PTPN12: variants seen among roughly 807,000 people sequenced by gnomAD.
PTPN12 encodes tyrosine-protein phosphatase non-receptor type 12.
In PTPN12, 29 loss-of-function variants were observed where a neutral mutation model predicts 97.6. That is an observed-to-expected ratio of 0.30 (90% CI 0.22 to 0.41). The LOEUF (loss-of-function observed/expected upper bound fraction) is 0.41, where lower values mean the gene tolerates loss of function less well. Among genes scored for constraint, PTPN12 ranks in the 10% least tolerant of loss-of-function variants. The probability of loss-of-function intolerance (pLI) is 1.00; values close to 1 mark genes in which losing one functional copy is unlikely to be tolerated. For missense variants in PTPN12, 819 were observed against 926.0 expected (o/e 0.88, Z 1.50); for synonymous variants, 327 against 300.4 (o/e 1.09, Z -0.91).
At chr7:77,592,048 C>T in intron 5 of PTPN12, 137 bp from the exon 6 acceptor site, 4 of 704,790 alleles carry the variant, frequency 5.7e-6, no homozygotes, top group Admixed American at 5.7e-5. Context: ...TAAGCTCTCT[C>T]AGCTCCATGC....
At chr7:77,581,818 C>T (rs1185377049) in intron 3 of PTPN12, among the ~76,000 whole-genome samples, 4 of 152,264 alleles carry the variant, frequency 2.6e-5, no homozygotes, top group African/African-American at 7.2e-5. Context: ...CATCATCAAT[C>T]CCCGTTGTTG....
intron 5 of PTPN12, among the ~76,000 whole-genome samples, chr7:77,589,650 A>G (rs1019628607): frequency 2.0e-5 from 3 of 152,270 alleles, no homozygotes; most frequent in East Asian, 1.9e-4. Context: ...ACTATTTCCT[A>G]TGTCAGTATT....
intron 2 of PTPN12, 128 bp from the exon 3 acceptor site, chr7:77,581,299 T>TAGAG (rs1180647218): frequency 1.2e-5 from 6 of 507,592 alleles, no homozygotes; most frequent in Non-Finnish European, 2.1e-5. Flanking sequence ...TGCTGGTACC[T>TAGAG]AGAGTCCATT....
intron 1 of PTPN12, among the ~76,000 whole-genome samples, chr7:77,546,315 A>G (rs1241876972): frequency 6.6e-6 from 1 of 152,252 alleles, no homozygotes; most frequent in Non-Finnish European, 1.5e-5. Context: ...TCTCCTTTGT[A>G]AAGTTTGATC....
chr7:77,613,041 G>C (rs182691214), intron 11 of PTPN12, among the ~76,000 whole-genome samples: 1 of 151,802 alleles, frequency 6.6e-6, no homozygotes, highest in African/African-American at 2.4e-5. Context: ...AAAGTGCTAG[G>C]ATTATAGGTG....
rs1788166092 is a variant in PTPN12 at position 77,600,825 on chromosome 7, A to G, written c.695+19A>G. 3 of 1,560,658 alleles carry G rather than the reference A, an allele frequency of 1.9e-6. No individual in the cohort carries two copies. The highest frequency in any genetic ancestry group is 2.6e-6 in the Non-Finnish European group (3 of 1,150,904). On this transcript the variant is annotated intron_variant, in intron 8 of 17. Coordinates refer to ENST00000248594, the MANE Select transcript of PTPN12 (RefSeq NM_002835.4). ...ATTGCAGGTACAAAAGAATTTCCCA[A>G]GTTTATAAATACATTATTTAAGTTT...
rs750529622 is a variant in PTPN12 at position 77,571,070 on chromosome 7, A to AT, written c.100-4dup. 50 of 1,524,906 alleles carry AT rather than the reference A, an allele frequency of 3.3e-5. No homozygotes were observed. The East Asian group carries it at 4.1e-4, about 12-fold the overall frequency. The allele number at this position is 1,524,906 out of a possible 1,614,324, so 94.5% of individuals were successfully genotyped here. The stretch of plus-strand genomic sequence containing the variant: ...CTAAACTTTAATTTTTATTTGTTGT[A>AT]TTTTAAGCGGTTAAGAAGATTGTCT... On this transcript the variant is annotated splice_polypyrimidine_tract_variant and splice_region_variant and intron_variant, in intron 1 of 17. Transcript: ENST00000248594.
Position 77,600,742 on chromosome 7 carries a change from G to C in PTPN12, c.631G>C (p.Asp211His). 1.2e-6 allele frequency: 2 copies of C among 1,611,118 alleles called. No homozygotes were observed. The highest frequency in any genetic ancestry group is 1.7e-6 in the Non-Finnish European group (2 of 1,177,984). ...DVPSSFDSILDMISLMRKYQE... is the reference protein window; with the variant it reads ...DVPSSFDSILHMISLMRKYQE... ...TCCTTCATCATTTGATTCTATTCTG[G>C]ACATGATAAGCTTAATGAGGAAATA... Residue 211 changes from aspartate (D) to histidine (H), a missense_variant, in exon 8 of 18, where the codon GAC becomes CAC. Asp to His is a moderately conservative substitution (Grantham distance 81). Coordinates refer to ENST00000248594, the MANE Select transcript of PTPN12 (RefSeq NM_002835.4).
At chr7:77,633,565 T>G (rs1341695659) in intron 14 of PTPN12, among the ~76,000 whole-genome samples, 1 of 144,702 alleles carries the variant, frequency 6.9e-6, no homozygotes, top group Non-Finnish European at 1.5e-5. Flanking sequence ...GCCGAGACCA[T>G]GCCACTGCAC....
At chr7:77,625,516 TCTCTCTCACTCTCACTCTCACTCGCG>T (rs1789130522) in intron 12 of PTPN12, among the ~76,000 whole-genome samples, 1 of 100,320 alleles carries the variant, frequency 1.0e-5, no homozygotes, top group African/African-American at 3.9e-5. Flanking sequence ...TCTCTCTCTC[TCTCTCTCACTCTCACTCTCACTCGCG>T]CTCTCTCTCT....
chr7:77,620,110 TA>T (rs1788882178), intron 12 of PTPN12, among the ~76,000 whole-genome samples: 1 of 152,218 alleles, frequency 6.6e-6, no homozygotes, highest in East Asian at 1.9e-4. Flanking sequence ...CCCTGTGTTT[TA>T]ATTTGGTTTT....
chr7:77,626,786 T>C lies in PTPN12; in HGVS notation c.1107T>C (p.Ser369=), dbSNP rs1196092672. 2 of 1,613,838 alleles carry C rather than the reference T, an allele frequency of 1.2e-6. No homozygotes were observed. Residue 369 remains serine (S), a synonymous_variant, in exon 13 of 18, where the codon TCT becomes TCC. Coordinates refer to ENST00000248594, the MANE Select transcript of PTPN12 (RefSeq NM_002835.4). ...CAGTGCCACCCATCTTGACACCTTCTCCCCCTTCAGCTTTTCCAACAGTCA... is the reference window on the plus strand; with the variant it reads ...CAGTGCCACCCATCTTGACACCTTCCCCCCCTTCAGCTTTTCCAACAGTCA... The part of the protein sequence containing the change: ...PHPVPPILTP[S]PPSAFPTVTT...
chr7:77,619,147 G>A (rs1404118440), intron 12 of PTPN12, among the ~76,000 whole-genome samples: 5 of 152,202 alleles, frequency 3.3e-5, no homozygotes, highest in South Asian at 2.1e-4. Flanking sequence ...TGGGATCTAG[G>A]ATTAATTTAC....
intron 6 of PTPN12, among the ~76,000 whole-genome samples, chr7:77,593,076 C>G (rs1787916277): frequency 1.3e-5 from 2 of 152,010 alleles, no homozygotes; most frequent in Non-Finnish European, 2.9e-5. Flanking sequence ...CGAGACCAGC[C>G]TGGACAACAT....
chr7:77,539,652 C>CG (rs977577945), intron 1 of PTPN12, among the ~76,000 whole-genome samples: 6 of 151,820 alleles, frequency 4.0e-5, no homozygotes, highest in African/African-American at 1.5e-4. Flanking sequence ...GACGGAGTCT[C>CG]GCTCTACGCT....
intron 7 of PTPN12, 66 bp downstream of exon 7, chr7:77,597,967 C>A: frequency 2.5e-6 from 4 of 1,570,748 alleles, no homozygotes; most frequent in Admixed American, 3.7e-5. Flanking sequence ...GTGGCTCATG[C>A]CTGTAATCCC....
At chr7:77,582,221 C>T (rs1787545180) in intron 3 of PTPN12, among the ~76,000 whole-genome samples, 1 of 148,026 alleles carries the variant, frequency 6.8e-6, no homozygotes, top group African/African-American at 2.5e-5. Context: ...TGGTCTCGAT[C>T]TCCTGACCTG....
chr7:77,598,134 G>A lies in PTPN12; in HGVS notation c.552+233G>A, dbSNP rs375513162. 5.9e-5 allele frequency among the ~76,000 whole-genome samples: 9 copies of A among 152,262 alleles called. No individual in the cohort carries two copies. In the East Asian group the frequency reaches 7.7e-4, roughly 13 times the overall value. On this transcript the variant is annotated intron_variant, in intron 7 of 17. Coordinates refer to ENST00000248594, the MANE Select transcript of PTPN12 (RefSeq NM_002835.4). ...CCCACTCACTCAGAAGGCTGAGCCC[G>A]GGAGGTTGAGGCTGCAGTGAGCCAT...
chr7:77,639,130 C>A, intron 17 of PTPN12, 89 bp from the exon 18 acceptor site: 2 of 1,057,756 alleles, frequency 1.9e-6, no homozygotes, highest in South Asian at 1.7e-5. Context: ...TTATTTGTTC[C>A]AGAAAATGAG....
Sources: gnomAD v4.1 joint callset for allele counts (sites outside exome capture counted in the v4.1 genomes callset) on GRCh38, gnomAD v4.1.1 for gene constraint, MANE v1.5 for transcripts, NCBI Gene and HGNC (gene_info 2026-07-23, HGNC 2026-07-21) for gene names.